PTPRK: variants seen among roughly 807,000 people sequenced by gnomAD.
The protein encoded by PTPRK is receptor-type tyrosine-protein phosphatase kappa.
In PTPRK, 75 loss-of-function variants were observed where a neutral mutation model predicts 178.0. That is an observed-to-expected ratio of 0.42 (90% confidence interval 0.35 to 0.51). PTPRK has a LOEUF of 0.51. Ranked by LOEUF, PTPRK falls within the 20% of genes least tolerant of loss-of-function variation. PTPRK has a pLI of 0.02. For missense variants in PTPRK, 1,441 were observed against 1,797.8 expected, an observed-to-expected ratio of 0.80 and a Z score of 3.59; for synonymous variants, 637 against 620.6, an observed-to-expected ratio of 1.03 and a Z score of -0.39.
chr6:128,487,418 G>C (rs892318219), intron 1 of PTPRK, among the ~76,000 whole-genome samples: 1 of 151,422 alleles, frequency 6.6e-6, no homozygotes, highest in African/African-American at 2.4e-5. Flanking sequence ...CTGCCCTTCT[G>C]TCTCCTATCC....
At chr6:128,132,322 C>A (rs987836782) in intron 7 of PTPRK, among the ~76,000 whole-genome samples, 3 of 152,066 alleles carry the variant, frequency 2.0e-5, no homozygotes, top group Non-Finnish European at 4.4e-5. Flanking sequence ...CTACAGGCAC[C>A]CGCCACCTCG....
intron 22 of PTPRK, among the ~76,000 whole-genome samples, chr6:127,985,421 T>C (rs1477235061): frequency 1.3e-5 from 2 of 152,158 alleles, no homozygotes; most frequent in Non-Finnish European, 2.9e-5. Context: ...CTATACAATA[T>C]GGGATTTGCA....
rs140202114 is a variant in PTPRK, at chr6:128,494,554, T to C, written c.100+25705A>G. On this transcript the variant is annotated intron_variant, in intron 1 of 29. Coordinates refer to ENST00000368226, the MANE Select transcript of PTPRK (RefSeq NM_002844.4). The stretch of plus-strand genomic sequence containing the variant: ...CACTGCAGTTAAAAAAAAACACTTT[T>C]GTTTCCCTGGGGGCAAAAGGCTAGA... Among the ~76,000 whole-genome samples the C allele has an allele frequency of 1.5e-3, 223 of 152,262 alleles. 1 individual carries two copies. The highest frequency in any genetic ancestry group is 4.8e-3 in the African/African-American group (201 of 41,544).
At chr6:128,064,653 T>G in intron 13 of PTPRK, 105 bp downstream of exon 13, 1 of 1,435,402 alleles carries the variant, frequency 7.0e-7, no homozygotes, top group Non-Finnish European at 9.2e-7. Flanking sequence ...CAGAACTAAC[T>G]ATAACAGAAA....
At chr6:128,509,389 T>G (rs1856850375) in intron 1 of PTPRK, among the ~76,000 whole-genome samples, 1 of 152,194 alleles carries the variant, frequency 6.6e-6, no homozygotes, top group East Asian at 1.9e-4. Flanking sequence ...AGAACCATGC[T>G]CATTCTTCTT....
At chr6:128,070,867 G>T (rs573276901) in intron 11 of PTPRK, among the ~76,000 whole-genome samples, 4 of 151,624 alleles carry the variant, frequency 2.6e-5, no homozygotes, top group Non-Finnish European at 4.4e-5. Context: ...GATAATGGAC[G>T]TTTAAGTGTT....
intron 25 of PTPRK, among the ~76,000 whole-genome samples, chr6:127,979,178 A>C (rs1774965777): frequency 6.6e-6 from 1 of 152,192 alleles, no homozygotes; most frequent in South Asian, 2.1e-4. Context: ...TGGTAGGCTG[A>C]GGTGGGAGGA....
chr6:128,429,479 T>G (rs926246094), intron 1 of PTPRK, among the ~76,000 whole-genome samples: 1 of 152,172 alleles, frequency 6.6e-6, no homozygotes, highest in African/African-American at 2.4e-5. Flanking sequence ...CTTCTTGGCT[T>G]TTTGATAAAA....
At chr6:128,144,998 A>C (rs1796275955) in intron 7 of PTPRK, among the ~76,000 whole-genome samples, 1 of 152,190 alleles carries the variant, frequency 6.6e-6, no homozygotes, top group Non-Finnish European at 1.5e-5. Context: ...GGTGACAGTA[A>C]ATTTTAACTG....
At chr6:127,998,931 T>G in intron 15 of PTPRK, 27 bp from the exon 16 acceptor site, 1 of 1,493,890 alleles carries the variant, frequency 6.7e-7, no homozygotes, top group South Asian at 1.4e-5. Context: ...TTCAGAAGAT[T>G]AAAAAAGAGA....
intron 2 of PTPRK, among the ~76,000 whole-genome samples, chr6:128,344,730 G>C (rs1832175264): frequency 6.6e-6 from 1 of 151,952 alleles, no homozygotes; most frequent in Non-Finnish European, 1.5e-5. Flanking sequence ...TGCCCAGGCT[G>C]GTTTGGAACT....
At chr6:128,306,740 G>A (rs1426195619) in intron 3 of PTPRK, among the ~76,000 whole-genome samples, 1 of 152,144 alleles carries the variant, frequency 6.6e-6, no homozygotes, top group Admixed American at 6.5e-5. Context: ...AGAGACTGCA[G>A]TGAGCTATGA....
intron 2 of PTPRK, among the ~76,000 whole-genome samples, chr6:128,339,254 T>C (rs1211326970): frequency 6.6e-6 from 1 of 152,190 alleles, no homozygotes; most frequent in Non-Finnish European, 1.5e-5. Context: ...TTTACCAATA[T>C]GTTATTTCAA....
intron 3 of PTPRK, among the ~76,000 whole-genome samples, chr6:128,288,008 G>T (rs1822788324): frequency 6.6e-6 from 1 of 151,788 alleles, no homozygotes; most frequent in Admixed American, 6.6e-5. Flanking sequence ...CAACTAACTT[G>T]TCTTCCCACT....
chr6:128,136,777 CA>C (rs1795079206), intron 7 of PTPRK, among the ~76,000 whole-genome samples: 1 of 152,170 alleles, frequency 6.6e-6, no homozygotes, highest in African/African-American at 2.4e-5. Context: ...TGATAGCCAA[CA>C]AAGAAAATGC....
intron 1 of PTPRK, among the ~76,000 whole-genome samples, chr6:128,415,930 T>TG (rs1437028100): frequency 6.6e-6 from 1 of 152,120 alleles, no homozygotes; most frequent in African/African-American, 2.4e-5. Context: ...ATTAAATGTT[T>TG]GGGGCTGATA....
chr6:128,389,562 T>C (rs1199021266), intron 2 of PTPRK, among the ~76,000 whole-genome samples: 2 of 151,866 alleles, frequency 1.3e-5, no homozygotes, highest in Non-Finnish European at 2.9e-5. Context: ...AGGTCATAAC[T>C]GTATTTTCGG....
chr6:127,983,539 T>C (rs1445445864), intron 22 of PTPRK, among the ~76,000 whole-genome samples, 162 bp from the exon 23 acceptor site: 2 of 152,200 alleles, frequency 1.3e-5, no homozygotes, highest in Admixed American at 1.3e-4. Context: ...AATGTACAAA[T>C]AGCTTCATGC....
intron 3 of PTPRK, among the ~76,000 whole-genome samples, chr6:128,295,204 G>T (rs60582406): frequency 6.6e-6 from 1 of 152,064 alleles, no homozygotes; most frequent in South Asian, 2.1e-4. Context: ...ATTTTAACAG[G>T]TCATAAAGTA....
Sources: allele counts gnomAD v4.1 joint callset (sites outside exome capture counted in the v4.1 genomes callset), GRCh38; gene constraint gnomAD v4.1.1; transcripts MANE v1.5; gene names NCBI Gene and HGNC (gene_info 2026-07-23, HGNC 2026-07-21).